Variants in ATL3 observed in about 807,000 individuals in gnomAD.
ATL3 encodes atlastin GTPase 3, also known as atlastin-3.
In ATL3, 49 loss-of-function variants were observed where a neutral mutation model predicts 69.5. That is an observed-to-expected ratio of 0.71 (90% CI 0.56 to 0.89). The LOEUF is 0.89. Among genes scored for constraint, ATL3 ranks in the 40% least tolerant of loss-of-function variants. ATL3 has a pLI of 0.00. For missense variants in ATL3, 606 were observed against 645.7 expected (o/e 0.94, Z 0.67); for synonymous variants, 214 against 224.1 (o/e 0.95, Z 0.40).
intron 1 of ATL3, among the ~76,000 whole-genome samples, chr11:63,662,240 A>G (rs1940444506): frequency 6.6e-6 from 1 of 151,912 alleles, no homozygotes; most frequent in Non-Finnish European, 1.5e-5. Context: ...GAAAGAAAGA[A>G]AGAAATTCAG....
At chr11:63,660,981 A>G (rs939315586) in intron 1 of ATL3, among the ~76,000 whole-genome samples, 1 of 151,968 alleles carries the variant, frequency 6.6e-6, no homozygotes, top group South Asian at 2.1e-4. Context: ...TGGGAGGCCA[A>G]GGCAAGCTGA....
intron 10 of ATL3, among the ~76,000 whole-genome samples, chr11:63,634,025 ACT>A (rs1939422351): frequency 1.6e-5 from 2 of 124,320 alleles, no homozygotes; most frequent in Admixed American, 9.2e-5. Flanking sequence ...ATAGAGCAAG[ACT>A]CTGTCTCAAA....
intron 10 of ATL3, among the ~76,000 whole-genome samples, chr11:63,634,201 A>AG (rs1213979912): frequency 4.2e-4 from 62 of 148,442 alleles, no homozygotes; most frequent in African/African-American, 1.1e-3. Context: ...AAAAAAAAAA[A>AG]AAGAAGAAGA....
At chr11:63,665,345 CAAA>C (rs1234905053) in intron 1 of ATL3, among the ~76,000 whole-genome samples, 8 of 75,240 alleles carry the variant, frequency 1.1e-4, no homozygotes, top group Admixed American at 1.6e-4. Context: ...GACTCCATCT[CAAA>C]AAAAAAAAAA....
chr11:63,637,944 AAG>A (rs1386760129), intron 8 of ATL3, among the ~76,000 whole-genome samples: 6 of 152,236 alleles, frequency 3.9e-5, no homozygotes, highest in Non-Finnish European at 7.3e-5. Flanking sequence ...ACAAAAATGG[AAG>A]AGAGACTTTT....
intron 6 of ATL3, among the ~76,000 whole-genome samples, chr11:63,644,785 T>C (rs1939814598): frequency 6.6e-6 from 1 of 152,206 alleles, no homozygotes; most frequent in African/African-American, 2.4e-5. Flanking sequence ...ATCTGCTATT[T>C]TTGTTCCCAC....
intron 1 of ATL3, among the ~76,000 whole-genome samples, chr11:63,661,565 G>A (rs979578697): frequency 5.3e-5 from 8 of 151,934 alleles, no homozygotes; most frequent in African/African-American, 1.7e-4. Context: ...CCAATATAGC[G>A]AGAGACTGTC....
rs983300077 is a variant in ATL3, at chr11:63,669,015, G to A, written c.46+2275C>T. 1.9e-4 allele frequency among the ~76,000 whole-genome samples: 17 copies of A among 89,560 alleles called. 1 individual carries two copies. In the South Asian group the frequency reaches 2.1e-3, roughly 11 times the overall value. The allele number at this position is 89,560 out of a possible 152,430, so 58.8% of individuals were successfully genotyped here. The stretch of plus-strand genomic sequence containing the variant: ...ACTTTTTTTTAATTTTTTTTTGGGT[G>A]GGGGGGGGCGTCTCACCATGTTGGC... On this transcript the variant is annotated intron_variant, in intron 1 of 12. Coordinates refer to ENST00000398868, the MANE Select transcript of ATL3 (RefSeq NM_015459.5).
intron 11 of ATL3, chr11:63,632,317 G>A: frequency 1.3e-6 from 1 of 795,162 alleles, no homozygotes; most frequent in South Asian, 1.3e-5. Context: ...CGTTGGTGGT[G>A]TTGTCATGTG....
At chr11:63,639,774 C>A (rs188546546) in intron 8 of ATL3, among the ~76,000 whole-genome samples, 13 of 152,134 alleles carry the variant, frequency 8.5e-5, no homozygotes, top group African/African-American at 2.9e-4. Flanking sequence ...TAAATAAATA[C>A]ATACATACAT....
intron 5 of ATL3, among the ~76,000 whole-genome samples, chr11:63,651,312 G>A (rs1420045484): frequency 3.3e-5 from 5 of 151,844 alleles, no homozygotes; most frequent in African/African-American, 9.7e-5. Context: ...AAAAGTAGCC[G>A]GGCATGGTGG....
At chr11:63,641,786 C>G (rs555743835) in intron 8 of ATL3, among the ~76,000 whole-genome samples, 5 of 152,230 alleles carry the variant, frequency 3.3e-5, no homozygotes, top group African/African-American at 1.2e-4. Flanking sequence ...TTTCAAAAGC[C>G]AGGGTTACTG....
intron 10 of ATL3, among the ~76,000 whole-genome samples, chr11:63,633,984 G>A (rs1272306910): frequency 7.7e-5 from 11 of 142,288 alleles, no homozygotes; most frequent in East Asian, 6.3e-4. Context: ...GCAGTGAGCC[G>A]AGATCACGCC....
chr11:63,659,003 C>T, intron 2 of ATL3, 35 bp downstream of exon 2: 3 of 1,608,174 alleles, frequency 1.9e-6, no homozygotes, highest in Non-Finnish European at 2.6e-6. Flanking sequence ...ATTAAAGTCT[C>T]ACTTTTTACT....
At chr11:63,656,092 T>C (rs555387635) in intron 3 of ATL3, among the ~76,000 whole-genome samples, 12 of 151,854 alleles carry the variant, frequency 7.9e-5, no homozygotes, top group Admixed American at 3.9e-4. Flanking sequence ...GGCGTGGTGG[T>C]AGGCGCCTGT....
chr11:63,654,219 T>C (rs2134511865), intron 3 of ATL3, among the ~76,000 whole-genome samples: 1 of 150,920 alleles, frequency 6.6e-6, no homozygotes, highest in East Asian at 2.0e-4. Context: ...CGATCTCGGC[T>C]CACTGCAAGC....
chr11:63,629,274 C>T lies in ATL3; in HGVS notation c.*45G>A, dbSNP rs775899851. On this transcript the variant is annotated 3_prime_UTR_variant, in exon 13 of 13. Transcript: ENST00000398868. ...GTGGCCGTGGCAGAAACCCAGAAAT[C>T]AGTAGGGGCTTGTTGTGTTCTTGTT... 3 of 1,527,184 alleles carry T rather than the reference C, an allele frequency of 2.0e-6. No homozygotes were observed. The highest frequency in any genetic ancestry group is 2.7e-6 in the Non-Finnish European group (3 of 1,101,264). The allele number at this position is 1,527,184 out of a possible 1,614,324, so 94.6% of individuals were successfully genotyped here.
At chr11:63,647,912 A>T (rs1052568549) in intron 5 of ATL3, among the ~76,000 whole-genome samples, 1 of 152,246 alleles carries the variant, frequency 6.6e-6, no homozygotes, top group African/African-American at 2.4e-5. Context: ...GGGGCCAACA[A>T]GGAAGAAGCA....
intron 1 of ATL3, among the ~76,000 whole-genome samples, chr11:63,668,790 C>CTTTTTTTT (rs386373974): frequency 9.8e-5 from 8 of 81,496 alleles, no homozygotes; most frequent in African/African-American, 1.4e-4. Context: ...AGCTGTGTTC[C>CTTTTTTTT]TTTTTTTTTT....
Sources: allele counts gnomAD v4.1 joint callset (sites outside exome capture counted in the v4.1 genomes callset), GRCh38; gene constraint gnomAD v4.1.1; transcripts MANE v1.5; gene names NCBI Gene and HGNC (gene_info 2026-07-23, HGNC 2026-07-21).